JAKMIP3: variants seen among roughly 807,000 people sequenced by gnomAD.
JAKMIP3 encodes the protein janus kinase and microtubule-interacting protein 3.
Under a neutral mutation model 118.5 loss-of-function variants are expected in JAKMIP3, and 58 were observed. That is an observed-to-expected ratio of 0.49 (90% CI 0.40 to 0.61). The LOEUF (loss-of-function observed/expected upper bound fraction) is 0.61. Ranked by LOEUF, JAKMIP3 falls within the 20% of genes least tolerant of loss-of-function variation. The pLI is 0.00. For synonymous variants in JAKMIP3, 486 were observed against 451.2 expected (o/e 1.08, Z -0.98); for missense variants, 950 against 1,109.0 (o/e 0.86, Z 2.04).
At chr10:132,148,785 G>A (rs1205539307) in intron 14 of JAKMIP3, among the ~76,000 whole-genome samples, 2 of 152,218 alleles carry the variant, frequency 1.3e-5, no homozygotes, top group African/African-American at 4.8e-5. Flanking sequence ...CACGGCAAGG[G>A]TGGTCCACCT....
At position 132,104,855 on chromosome 10, in the gene JAKMIP3, A is replaced by T. The variant is rs2045658548; in HGVS notation, c.47A>T (p.Glu16Val). Reference sequence around the variant, plus strand: ...AGCCGGGCCAAGGGGGACAAGGCAGAGGCCCTCGCGGCGCTGCAGGCGGCC... The same window carrying T: ...AGCCGGGCCAAGGGGGACAAGGCAGTGGCCCTCGCGGCGCTGCAGGCGGCC... The part of the protein sequence containing the change: ...MSSRAKGDKA[E>V]ALAALQAANE... The change falls in exon 2 of 24, where the codon GAG becomes GTG. Residue 16 changes from glutamate to valine, a missense_variant. Physicochemically the swap from Glu to Val is moderately radical, Grantham distance 121. Transcript: ENST00000684848. 6.4e-7 allele frequency: 1 copy of T among 1,557,328 alleles called. No individual in the cohort carries two copies. Among genetic ancestry groups the T allele is most frequent in the Admixed American group, 1.9e-5 (1 of 51,612 alleles).
intron 2 of JAKMIP3, among the ~76,000 whole-genome samples, chr10:132,110,865 C>T (rs553367828): frequency 6.6e-6 from 1 of 152,234 alleles, no homozygotes; most frequent in Non-Finnish European, 1.5e-5. Flanking sequence ...GAGGAAGGTG[C>T]AGCGTGGGCT....
rs539626993 is a variant in JAKMIP3 at position 132,182,345 on chromosome 10, ACT to A, written c.*1104-9_*1104-8del. ...CGTCGCACTAAACGGCGTTTTCTCC[ACT>A]CTTTTTCAGAGAGGAAGCAGTGCAT... On this transcript the variant is annotated splice_polypyrimidine_tract_variant and intron_variant, in intron 23 of 23. Transcript: ENST00000684848. 6.3e-4 allele frequency: 95 copies of A among 151,904 alleles called. No homozygotes were observed. The highest frequency in any genetic ancestry group is 2.2e-3 in the African/African-American group (90 of 41,388). The allele number at this position is 151,904 out of a possible 1,614,324, so 9.4% of individuals were successfully genotyped here. A position where few individuals can be genotyped will look rare whatever the true frequency, so the allele number is the denominator to read the frequency against.
intron 3 of JAKMIP3, among the ~76,000 whole-genome samples, chr10:132,130,533 C>T (rs1021183274): frequency 6.6e-5 from 10 of 152,348 alleles, no homozygotes; most frequent in African/African-American, 2.2e-4. Context: ...GCCTGCCAGA[C>T]GTGAGGGCTC....
rs1483116900 is a variant in JAKMIP3, at chr10:132,117,643, G to A, written c.633+69G>A. The A allele has an allele frequency of 3.2e-6, 4 of 1,246,804 alleles. No homozygotes were observed. Among genetic ancestry groups the A allele is most frequent in the Non-Finnish European group, 4.2e-6 (4 of 955,956 alleles). The allele number at this position is 1,246,804 out of a possible 1,614,324, so 77.2% of individuals were successfully genotyped here. ...CGGGCGTGGGCGAGGGTGCAGGGGC[G>A]GGCGTGGGCGAGGGTGCAGGCGTGG... On this transcript the variant is annotated intron_variant, in intron 3 of 23. Transcript: ENST00000684848. The surrounding 1 kb of genome is among the most constrained non-coding windows in gnomAD (Gnocchi z 8.6).
chr10:132,103,209 ATGG>A (rs2045282959), intron 1 of JAKMIP3, among the ~76,000 whole-genome samples: 1 of 151,754 alleles, frequency 6.6e-6, no homozygotes, highest in African/African-American at 2.4e-5. Flanking sequence ...AAAGCTGGTC[ATGG>A]TGGGGATGGA....
rs374347826 is a variant in JAKMIP3 at position 132,164,727 on chromosome 10, G to A, written c.2482G>A (p.Glu828Lys). The A allele has an allele frequency of 1.2e-6, 2 of 1,602,184 alleles. No homozygotes were observed. The highest frequency in any genetic ancestry group is 2.7e-5 in the African/African-American group (2 of 74,748). The part of the protein sequence containing the change: ...EAQKRQIKEL[E>K]EKFLFLFLFF... ...TCAGAAGAGACAAATAAAGGAACTGGAGGAAAAGGTAAAACAAATGCAGTT... is the reference window on the plus strand; with the variant it reads ...TCAGAAGAGACAAATAAAGGAACTGAAGGAAAAGGTAAAACAAATGCAGTT... The change falls in exon 21 of 24, where the codon GAG (glutamate) becomes AAG (lysine). Residue 828 changes from glutamate to lysine, a missense_variant. Transcript: ENST00000684848.
At chr10:132,159,631 T>A (rs146607014) in intron 19 of JAKMIP3, among the ~76,000 whole-genome samples, 685 of 63,720 alleles carry the variant, frequency 0.011, 13 homozygotes, top group African/African-American at 0.036. Context: ...TCCTCTTCCT[T>A]TGTGATGCTG....
At position 132,163,457 on chromosome 10, in the gene JAKMIP3, G is replaced by A. The variant is rs551886806; in HGVS notation, c.2424+45G>A. On this transcript the variant is annotated intron_variant, in intron 20 of 23. Coordinates refer to ENST00000684848, the MANE Select transcript of JAKMIP3 (RefSeq NM_001323087.2). ...AGGGCTGGCGTGAAGACCTGGCCAG[G>A]ACCTGCACAGAGCCAGGGGGGGTCC... The A allele has an allele frequency of 9.2e-5, 140 of 1,526,768 alleles. No homozygotes were observed. In the East Asian group the frequency reaches 3.3e-3, roughly 36 times the overall value. 94.6% of individuals were successfully genotyped at this position (1,526,768 alleles called of 1,614,324 possible). A position where few individuals can be genotyped will look rare whatever the true frequency, so the allele number is the denominator to read the frequency against.
At chr10:132,119,299 T>C (rs2048188701) in intron 3 of JAKMIP3, among the ~76,000 whole-genome samples, 1 of 152,200 alleles carries the variant, frequency 6.6e-6, no homozygotes. Context: ...AGCATCGTGT[T>C]ATGATCTAAG....
rs958695994 is a variant in JAKMIP3, at chr10:132,057,634, G to A, written c.-138+20896G>A. Among the ~76,000 whole-genome samples the A allele has an allele frequency of 7.2e-5, 11 of 152,248 alleles. 1 individual carries two copies. The highest frequency in any genetic ancestry group is 5.9e-4 in the Admixed American group (9 of 15,286). On this transcript the variant is annotated intron_variant, in intron 1 of 23. Transcript: ENST00000657785. ...TGTCGTCACCTGAGCAGCCCTGCAC[G>A]TGTGTGTTCTCCGCTTGGCCTTCTT...
intron 19 of JAKMIP3, among the ~76,000 whole-genome samples, chr10:132,159,884 CTGTGTGATGCTGGGGGG>C: frequency 2.1e-5 from 1 of 46,598 alleles, no homozygotes; most frequent in African/African-American, 1.0e-4. Flanking sequence ...GGGTCTCTTC[CTGTGTGATGCTGGGGGG>C]TCTCTTCCTG....
chr10:132,141,334 ACC>A (rs1174454366), intron 10 of JAKMIP3, among the ~76,000 whole-genome samples: 2 of 152,092 alleles, frequency 1.3e-5, no homozygotes, highest in Non-Finnish European at 2.9e-5. Context: ...GACGTGGCCA[ACC>A]CTTCCAGCCC....
At chr10:132,175,901 TAAAGA>T (rs1354926034) in intron 23 of JAKMIP3, among the ~76,000 whole-genome samples, 1 of 152,210 alleles carries the variant, frequency 6.6e-6, no homozygotes. Context: ...TCTATATTGT[TAAAGA>T]AAGAGAAATA....
intron 19 of JAKMIP3, among the ~76,000 whole-genome samples, chr10:132,158,317 C>T (rs1222287915): frequency 1.3e-5 from 2 of 152,160 alleles, no homozygotes; most frequent in East Asian, 3.8e-4. Flanking sequence ...GGAGTGGGGG[C>T]CCTGGCCCAG....
chr10:132,077,305 G>A (rs1409283217), intron 1 of JAKMIP3, among the ~76,000 whole-genome samples: 1 of 152,122 alleles, frequency 6.6e-6, no homozygotes, highest in East Asian at 1.9e-4. Flanking sequence ...GGGGGTGTCC[G>A]GTACCTGCAC....
At chr10:132,093,706 C>T (rs916138014) in intron 1 of JAKMIP3, among the ~76,000 whole-genome samples, 1 of 152,182 alleles carries the variant, frequency 6.6e-6, no homozygotes, top group South Asian at 2.1e-4. Flanking sequence ...ATGCCTCGCC[C>T]TGCTTCGGCT....
chr10:132,100,537 T>TA (rs1289760802), intron 1 of JAKMIP3, among the ~76,000 whole-genome samples: 9 of 152,048 alleles, frequency 5.9e-5, no homozygotes, highest in African/African-American at 1.9e-4. Context: ...CCTGGTTCCT[T>TA]ACGAGGGTTG....
chr10:132,176,626 T>C (rs1193927456), intron 23 of JAKMIP3, among the ~76,000 whole-genome samples: 1 of 152,100 alleles, frequency 6.6e-6, no homozygotes, highest in Non-Finnish European at 1.5e-5. Context: ...AGCAGACACA[T>C]TTCCAAAAGG....
Sources: gnomAD v4.1 joint callset for allele counts (sites outside exome capture counted in the v4.1 genomes callset) on GRCh38, gnomAD v4.1.1 for gene constraint, Gnocchi (gnomAD v3.1) non-coding constraint, MANE v1.5 for transcripts, NCBI Gene and HGNC (gene_info 2026-07-23, HGNC 2026-07-21) for gene names.